The following GRB10 variants were observed in gnomAD, a reference collection of about 807,000 sequenced individuals.
The protein encoded by GRB10 is growth factor receptor-bound protein 10.
Under a neutral mutation model 80.9 loss-of-function variants are expected in GRB10, and 20 were observed. That is an observed-to-expected ratio of 0.25 (90% CI 0.17 to 0.36). The LOEUF is 0.36. Ranked by LOEUF, GRB10 falls within the 10% of genes least tolerant of loss-of-function variation. GRB10 has a pLI of 1.00. For synonymous variants in GRB10, 291 were observed against 291.5 expected, an observed-to-expected ratio of 1.00 and a Z score of 0.02; for missense variants, 548 against 747.7, an observed-to-expected ratio of 0.73 and a Z score of 3.12.
At chr7:50,685,667 C>T (rs1260136870) in intron 5 of GRB10, among the ~76,000 whole-genome samples, 1 of 152,126 alleles carries the variant, frequency 6.6e-6, no homozygotes, top group African/African-American at 2.4e-5. Context: ...TGGTTATGCA[C>T]ACTGCTTGGC....
At chr7:50,594,426 C>CT (rs2046288824) in intron 18 of GRB10, among the ~76,000 whole-genome samples, 1 of 152,174 alleles carries the variant, frequency 6.6e-6, no homozygotes, top group Admixed American at 6.5e-5. Flanking sequence ...TAACAAAGTC[C>CT]TGGGGGTCAG....
intron 5 of GRB10, among the ~76,000 whole-genome samples, chr7:50,698,344 T>C (rs573244080): frequency 5.3e-5 from 8 of 152,366 alleles, no homozygotes; most frequent in African/African-American, 1.9e-4. Flanking sequence ...ATTTACCATT[T>C]TCCCTTTATG....
chr7:50,723,959 G>A (rs2068171627), intron 4 of GRB10, among the ~76,000 whole-genome samples: 1 of 152,222 alleles, frequency 6.6e-6, no homozygotes, highest in Admixed American at 6.5e-5. Context: ...CAAGGAGCTG[G>A]TTAAGGACGG....
intron 4 of GRB10, among the ~76,000 whole-genome samples, chr7:50,724,031 G>T (rs1435912355): frequency 6.6e-6 from 1 of 152,210 alleles, no homozygotes; most frequent in Non-Finnish European, 1.5e-5. Context: ...CACAGTGGGA[G>T]GGCACAGATG....
chr7:50,789,340 G>T (rs551120907), intron 1 of GRB10, among the ~76,000 whole-genome samples: 1 of 152,168 alleles, frequency 6.6e-6, no homozygotes, highest in Non-Finnish European at 1.5e-5. Context: ...TACAGACATC[G>T]CCACAAAGAC....
intron 3 of GRB10, among the ~76,000 whole-genome samples, chr7:50,753,571 C>T (rs1167743430): frequency 1.3e-5 from 2 of 152,188 alleles, no homozygotes; most frequent in African/African-American, 4.8e-5. Flanking sequence ...CTGCTGACCC[C>T]TCAAGGGGCT....
chr7:50,669,901 T>C (rs1313219449), intron 6 of GRB10, 38 bp from the exon 7 acceptor site: 1 of 1,581,926 alleles, frequency 6.3e-7, no homozygotes, highest in Non-Finnish European at 8.6e-7. Context: ...AAAGCTGCCA[T>C]TCCCCACATG....
intron 7 of GRB10, among the ~76,000 whole-genome samples, chr7:50,636,068 C>T (rs765735826): frequency 2.1e-5 from 3 of 144,288 alleles, no homozygotes; most frequent in African/African-American, 5.2e-5. Context: ...ACCTCTGCCT[C>T]CTGGGTTCAA....
At chr7:50,749,842 T>C (rs933495744) in intron 3 of GRB10, among the ~76,000 whole-genome samples, 2 of 152,218 alleles carry the variant, frequency 1.3e-5, no homozygotes, top group Non-Finnish European at 2.9e-5. Context: ...CTCTATTACT[T>C]CTGAAAGCAT....
chr7:50,644,723 G>A (rs1452532797), intron 7 of GRB10, among the ~76,000 whole-genome samples: 2 of 152,148 alleles, frequency 1.3e-5, no homozygotes, highest in East Asian at 1.9e-4. Flanking sequence ...TAGCAAGAGC[G>A]GGACATCAGC....
intron 4 of GRB10, among the ~76,000 whole-genome samples, chr7:50,723,401 A>G (rs745677523): frequency 6.6e-5 from 10 of 152,192 alleles, no homozygotes; most frequent in Non-Finnish European, 1.2e-4. Flanking sequence ...ACTGCCAATC[A>G]TTTCCTCATT....
chr7:50,673,313 C>T (rs950613823), intron 6 of GRB10, among the ~76,000 whole-genome samples: 2 of 152,156 alleles, frequency 1.3e-5, no homozygotes, highest in African/African-American at 2.4e-5. Flanking sequence ...CACGCCATCC[C>T]GACTGCGACA....
At chr7:50,724,631 C>T (rs192348136) in intron 4 of GRB10, among the ~76,000 whole-genome samples, 72 of 152,254 alleles carry the variant, frequency 4.7e-4, no homozygotes, top group Non-Finnish European at 7.9e-4. Context: ...TCTGGTCCTT[C>T]CCCTTGAAGA....
chr7:50,780,875 T>C (rs1007236687), intron 1 of GRB10, 139 bp from the exon 2 acceptor site: 3 of 152,176 alleles, frequency 2.0e-5, no homozygotes, highest in African/African-American at 2.4e-5. Context: ...GGCCTAAATA[T>C]GCAAATTTTG....
At chr7:50,667,426 C>T (rs2059927898) in intron 7 of GRB10, among the ~76,000 whole-genome samples, 1 of 152,144 alleles carries the variant, frequency 6.6e-6, no homozygotes, top group South Asian at 2.1e-4. Flanking sequence ...CTTCCTCTGA[C>T]TTGAATGAAG....
At chr7:50,779,330 T>C (rs1185551151) in intron 2 of GRB10, 1 of 152,202 alleles carries the variant, frequency 6.6e-6, no homozygotes, top group Non-Finnish European at 1.5e-5. Context: ...CATTTTATTA[T>C]CAGCCCCAGG....
intron 4 of GRB10, among the ~76,000 whole-genome samples, chr7:50,727,435 A>G (rs2068831399): frequency 6.6e-6 from 1 of 152,228 alleles, no homozygotes; most frequent in Non-Finnish European, 1.5e-5. Context: ...CTGCCAATCA[A>G]CTGTTCATAA....
chr7:50,598,850 G>A (rs74318558), intron 17 of GRB10, among the ~76,000 whole-genome samples: 3,391 of 152,276 alleles, frequency 0.022, 118 homozygotes, highest in African/African-American at 0.078. Context: ...ATGTGGAGGG[G>A]CATGAAGTGC....
chr7:50,771,174 T>C (rs2076945261), intron 2 of GRB10, among the ~76,000 whole-genome samples: 1 of 152,134 alleles, frequency 6.6e-6, no homozygotes, highest in Non-Finnish European at 1.5e-5. Flanking sequence ...TTAAAAACAA[T>C]ATTGAATTTG....
Sources: gnomAD v4.1 joint callset for allele counts (sites outside exome capture counted in the v4.1 genomes callset) on GRCh38, gnomAD v4.1.1 for gene constraint, MANE v1.5 for transcripts, NCBI Gene and HGNC (gene_info 2026-07-23, HGNC 2026-07-21) for gene names.